CNTNAP2: variants seen among roughly 807,000 people sequenced by gnomAD.
CNTNAP2 encodes contactin-associated protein-like 2.
CNTNAP2 carries 98 observed loss-of-function variants against 155.2 expected under a neutral mutation model. The ratio of observed to expected loss-of-function variants is 0.63; its 90% CI spans 0.54 to 0.75. The LOEUF is 0.75. CNTNAP2 is among the 30% of genes least tolerant of loss of function. The pLI, the probability that CNTNAP2 is intolerant of heterozygous loss-of-function variation, is 0.00. For missense variants in CNTNAP2, 1,727 were observed against 1,688.1 expected, an observed-to-expected ratio of 1.02 and a Z score of -0.40; for synonymous variants, 651 against 631.2, an observed-to-expected ratio of 1.03 and a Z score of -0.47.
At chr7:146,877,873 C>T (rs1795461759) in intron 3 of CNTNAP2, among the ~76,000 whole-genome samples, 1 of 152,010 alleles carries the variant, frequency 6.6e-6, no homozygotes, top group African/African-American at 2.4e-5. Context: ...GAATTATTTT[C>T]ACTAAATCAA....
chr7:147,170,835 C>T (rs1252203645), intron 8 of CNTNAP2, among the ~76,000 whole-genome samples: 1 of 152,154 alleles, frequency 6.6e-6, no homozygotes, highest in East Asian at 1.9e-4. Flanking sequence ...AGGCAGGAGC[C>T]CTGGGAGGGG....
intron 15 of CNTNAP2, among the ~76,000 whole-genome samples, chr7:148,039,166 A>G (rs1332198860): frequency 1.3e-5 from 2 of 152,140 alleles, no homozygotes; most frequent in Non-Finnish European, 2.9e-5. Context: ...AACCGGGAAA[A>G]TTATTGGTGT....
At chr7:148,134,237 TA>T (rs1452440402) in intron 16 of CNTNAP2, among the ~76,000 whole-genome samples, 2 of 152,222 alleles carry the variant, frequency 1.3e-5, no homozygotes, top group African/African-American at 4.8e-5. Flanking sequence ...ACTGACTTTT[TA>T]TGAAGAGTGG....
intron 3 of CNTNAP2, among the ~76,000 whole-genome samples, chr7:146,907,118 A>T (rs1419360163): frequency 1.3e-5 from 2 of 152,036 alleles, no homozygotes; most frequent in East Asian, 3.9e-4. Flanking sequence ...AATAAAAAGA[A>T]ATGAGCAAAG....
At chr7:146,888,763 T>C (rs1795718663) in intron 3 of CNTNAP2, among the ~76,000 whole-genome samples, 1 of 152,018 alleles carries the variant, frequency 6.6e-6, no homozygotes, top group Non-Finnish European at 1.5e-5. Context: ...AGACAAACAC[T>C]ATATGATGTT....
At chr7:147,460,885 C>A (rs1020327216) in intron 10 of CNTNAP2, among the ~76,000 whole-genome samples, 2 of 152,112 alleles carry the variant, frequency 1.3e-5, no homozygotes, top group Non-Finnish European at 2.9e-5. Flanking sequence ...TTAGGGAAGT[C>A]AAGCAGTAAT....
At chr7:146,364,658 A>T (rs1348315440) in intron 1 of CNTNAP2, among the ~76,000 whole-genome samples, 1 of 152,174 alleles carries the variant, frequency 6.6e-6, no homozygotes, top group African/African-American at 2.4e-5. Context: ...TAGTGAGAAC[A>T]CCAAGTATAT....
At chr7:146,938,600 T>C (rs1308965975) in intron 3 of CNTNAP2, among the ~76,000 whole-genome samples, 1 of 151,984 alleles carries the variant, frequency 6.6e-6, no homozygotes, top group East Asian at 1.9e-4. Flanking sequence ...CCATCACTTA[T>C]TAATTTAAAT....
At chr7:147,311,598 TC>T (rs1248926201) in intron 9 of CNTNAP2, among the ~76,000 whole-genome samples, 1 of 152,076 alleles carries the variant, frequency 6.6e-6, no homozygotes, top group Non-Finnish European at 1.5e-5. Flanking sequence ...CCAGGGCCCT[TC>T]CTTAGTAGCC....
intron 18 of CNTNAP2, among the ~76,000 whole-genome samples, chr7:148,216,012 T>C (rs1795632721): frequency 6.6e-6 from 1 of 152,230 alleles, no homozygotes. Flanking sequence ...AGATTAACGG[T>C]TGCATGGGCG....
At chr7:146,196,031 G>T (rs1324089851) in intron 1 of CNTNAP2, among the ~76,000 whole-genome samples, 1 of 152,122 alleles carries the variant, frequency 6.6e-6, no homozygotes, top group Non-Finnish European at 1.5e-5. Context: ...CATGTGAGTT[G>T]TCTTGGTCTC....
chr7:146,550,401 GTTTTTTTT>G (rs10673467), intron 1 of CNTNAP2, among the ~76,000 whole-genome samples: 3 of 54,386 alleles, frequency 5.5e-5, no homozygotes, highest in African/African-American at 2.1e-4. Context: ...CCATTAATCT[GTTTTTTTT>G]TTTTTTTTTT....
chr7:147,736,168 C>A (rs1298547986), intron 13 of CNTNAP2, among the ~76,000 whole-genome samples: 2 of 151,822 alleles, frequency 1.3e-5, no homozygotes, highest in African/African-American at 4.8e-5. Flanking sequence ...ACTGGTTGTT[C>A]CTTTCCATGT....
At chr7:147,604,270 A>G (rs945139423) in intron 12 of CNTNAP2, among the ~76,000 whole-genome samples, 75 of 151,848 alleles carry the variant, frequency 4.9e-4, no homozygotes, top group Non-Finnish European at 9.1e-4. Context: ...AGAAACTACC[A>G]TGAGAGTGAA....
intron 1 of CNTNAP2, among the ~76,000 whole-genome samples, chr7:146,710,381 T>C (rs1454298069): frequency 6.6e-6 from 1 of 152,194 alleles, no homozygotes; most frequent in Non-Finnish European, 1.5e-5. Context: ...GAGGCCTGAC[T>C]GTTTCCTATT....
intron 21 of CNTNAP2, among the ~76,000 whole-genome samples, chr7:148,312,406 G>C (rs1797611104): frequency 6.6e-6 from 1 of 152,204 alleles, no homozygotes; most frequent in Non-Finnish European, 1.5e-5. Flanking sequence ...AATGGGAGCT[G>C]TCTGTGAAGC....
At chr7:146,721,205 C>G (rs1175789193) in intron 1 of CNTNAP2, among the ~76,000 whole-genome samples, 1 of 131,894 alleles carries the variant, frequency 7.6e-6, no homozygotes, top group African/African-American at 2.8e-5. Flanking sequence ...TATATATTCT[C>G]TGTATATATT....
At chr7:147,825,884 GA>G (rs1798438730) in intron 13 of CNTNAP2, among the ~76,000 whole-genome samples, 1 of 152,148 alleles carries the variant, frequency 6.6e-6, no homozygotes. Flanking sequence ...GTTGAAGATA[GA>G]AGGTGGGATG....
chr7:147,949,440 G>GTATATATATATATATATATATA (rs57422437), intron 14 of CNTNAP2, among the ~76,000 whole-genome samples: 1,532 of 126,846 alleles, frequency 0.012, 20 homozygotes, highest in Non-Finnish European at 0.02. Flanking sequence ...TCAACTGTGT[G>GTATATATATATATATATATATA]TATATATATA....
Sources: allele counts gnomAD v4.1 joint callset (sites outside exome capture counted in the v4.1 genomes callset), GRCh38; gene constraint gnomAD v4.1.1; transcripts MANE v1.5; gene names NCBI Gene and HGNC (gene_info 2026-07-23, HGNC 2026-07-21).